The following CIB4 variants were observed in gnomAD, a reference collection of about 807,000 sequenced individuals.
CIB4 encodes the protein calcium and integrin binding family member 4, also known as calcium and integrin-binding family member 4.
Under a neutral mutation model 25.8 loss-of-function variants are expected in CIB4, and 25 were observed. The ratio of observed to expected loss-of-function variants is 0.97; its 90% CI spans 0.71 to 1.35. The LOEUF is 1.35. Among genes scored for constraint, CIB4 ranks in the 40% most tolerant of loss-of-function variants. CIB4 has a pLI of 0.00. For synonymous variants in CIB4, 75 were observed against 81.4 expected (o/e 0.92, Z 0.42); for missense variants, 235 against 228.2 (o/e 1.03, Z -0.19).
intron 2 of CIB4, among the ~76,000 whole-genome samples, chr2:26,631,572 C>T (rs921003532): frequency 6.6e-6 from 1 of 152,184 alleles, no homozygotes; most frequent in African/African-American, 2.4e-5. Context: ...AGAGCCCTGA[C>T]GATGGTAGGT....
intron 3 of CIB4, among the ~76,000 whole-genome samples, chr2:26,614,675 C>T (rs1040834811): frequency 1.1e-4 from 16 of 152,184 alleles, no homozygotes; most frequent in Admixed American, 2.0e-4. Flanking sequence ...TGATTATTCC[C>T]GTCTTGACTC....
At chr2:26,595,041 T>C in intron 4 of CIB4, 135 bp downstream of exon 4, 1 of 797,050 alleles carries the variant, frequency 1.3e-6, no homozygotes, top group South Asian at 2.1e-5. Flanking sequence ...ACATGCAAAA[T>C]ATGACACAGA....
At chr2:26,591,366 G>T (rs1668582729) in intron 4 of CIB4, among the ~76,000 whole-genome samples, 1 of 152,220 alleles carries the variant, frequency 6.6e-6, no homozygotes, top group African/African-American at 2.4e-5. Flanking sequence ...GTCATCTTTG[G>T]CCTGTGGGCA....
At chr2:26,587,561 T>C (rs1283729625) in intron 4 of CIB4, among the ~76,000 whole-genome samples, 2 of 152,048 alleles carry the variant, frequency 1.3e-5, no homozygotes, top group Non-Finnish European at 1.5e-5. Flanking sequence ...AGAAAATACA[T>C]GGACATCACC....
chr2:26,635,044 C>T (rs1669505589), intron 2 of CIB4, among the ~76,000 whole-genome samples: 1 of 152,260 alleles, frequency 6.6e-6, no homozygotes, highest in South Asian at 2.1e-4. Context: ...GCAGTCACCG[C>T]CGGAAGGGCC....
At chr2:26,589,036 T>TTCCTCTTCC (rs1558554699) in intron 4 of CIB4, among the ~76,000 whole-genome samples, 8 of 43,052 alleles carry the variant, frequency 1.9e-4, no homozygotes, top group African/African-American at 5.9e-4. Context: ...CTTCTTCTTC[T>TTCCTCTTCC]TCTTCTTCTT....
intron 3 of CIB4, among the ~76,000 whole-genome samples, chr2:26,616,783 G>A (rs1409750694): frequency 6.6e-6 from 1 of 152,206 alleles, no homozygotes; most frequent in East Asian, 1.9e-4. Context: ...GCACACGTGT[G>A]TATCCACACA....
At chr2:26,593,780 T>G (rs1372193358) in intron 4 of CIB4, among the ~76,000 whole-genome samples, 1 of 152,254 alleles carries the variant, frequency 6.6e-6, no homozygotes, top group African/African-American at 2.4e-5. Flanking sequence ...CTGGTTAAAA[T>G]GTGGTGGCAG....
chr2:26,623,296 T>TCACA (rs1044017066), intron 3 of CIB4: 12 of 181,994 alleles, frequency 6.6e-5, no homozygotes, highest in Admixed American at 6.4e-4. Flanking sequence ...GGAGCCGTGT[T>TCACA]CACACCACTG....
At chr2:26,606,314 A>G (rs1668889106) in intron 3 of CIB4, among the ~76,000 whole-genome samples, 1 of 152,230 alleles carries the variant, frequency 6.6e-6, no homozygotes, top group Non-Finnish European at 1.5e-5. Flanking sequence ...GACAAGAGCT[A>G]GGACAGGACA....
chr2:26,619,957 G>A (rs57187341), intron 3 of CIB4, among the ~76,000 whole-genome samples: 23,794 of 148,210 alleles, frequency 0.16, 2,746 homozygotes, highest in African/African-American at 0.3. Flanking sequence ...GAGGAAGCAG[G>A]ACCTGAAGCC....
At chr2:26,626,455 G>GA (rs768749044) in intron 3 of CIB4, among the ~76,000 whole-genome samples, 12 of 149,382 alleles carry the variant, frequency 8.0e-5, no homozygotes, top group Non-Finnish European at 1.6e-4. Context: ...TATCTGCATA[G>GA]AAAAAAAGTC....
chr2:26,635,232 G>C (rs1359933566), intron 2 of CIB4, among the ~76,000 whole-genome samples: 3 of 152,204 alleles, frequency 2.0e-5, no homozygotes, highest in African/African-American at 7.2e-5. Flanking sequence ...CCTCTTCTTG[G>C]AGGGCCAAAC....
At chr2:26,640,322 C>G (rs1669610573) in intron 2 of CIB4, among the ~76,000 whole-genome samples, 1 of 152,256 alleles carries the variant, frequency 6.6e-6, no homozygotes, top group South Asian at 2.1e-4. Context: ...CAGCCTAAAG[C>G]CTGGTGTCTC....
intron 3 of CIB4, among the ~76,000 whole-genome samples, chr2:26,621,468 G>C (rs1477162007): frequency 6.6e-6 from 1 of 152,158 alleles, no homozygotes. Flanking sequence ...GGGAGGCTGA[G>C]GCAGGAGAAT....
intron 4 of CIB4, among the ~76,000 whole-genome samples, chr2:26,588,305 G>A (rs970863694): frequency 2.6e-5 from 4 of 152,266 alleles, no homozygotes; most frequent in African/African-American, 9.6e-5. Flanking sequence ...TAATTTGCTA[G>A]AGTAAATGTA....
intron 4 of CIB4, among the ~76,000 whole-genome samples, chr2:26,588,527 C>G (rs1441009252): frequency 1.3e-5 from 2 of 152,182 alleles, no homozygotes; most frequent in Admixed American, 6.5e-5. Context: ...TTCAGTCCCC[C>G]CAAAGACTCT....
At chr2:26,619,981 G>A (rs1669172285) in intron 3 of CIB4, among the ~76,000 whole-genome samples, 1 of 148,756 alleles carries the variant, frequency 6.7e-6, no homozygotes, top group African/African-American at 2.5e-5. Context: ...AGCGGGGAAG[G>A]CAACACCATC....
chr2:26,586,487 A>G (rs1668455720), intron 4 of CIB4, among the ~76,000 whole-genome samples: 1 of 152,208 alleles, frequency 6.6e-6, no homozygotes, highest in African/African-American at 2.4e-5. Flanking sequence ...ACTACGTGTT[A>G]TTAGCTCGTT....
Sources: allele counts gnomAD v4.1 joint callset (sites outside exome capture counted in the v4.1 genomes callset), GRCh38; gene constraint gnomAD v4.1.1; transcripts MANE v1.5; gene names NCBI Gene and HGNC (gene_info 2026-07-23, HGNC 2026-07-21).